The following RBFOX3 variants were observed in gnomAD, a reference collection of about 807,000 sequenced individuals.
RBFOX3 encodes the protein RNA binding protein fox-1 homolog 3.
RBFOX3 carries 17 observed loss-of-function variants against 48.7 expected under a neutral mutation model. The ratio of observed to expected loss-of-function variants is 0.35; its 90% confidence interval spans 0.24 to 0.52. The LOEUF is 0.52. Ranked by LOEUF, RBFOX3 falls within the 20% of genes least tolerant of loss-of-function variation. The pLI, the probability that RBFOX3 is intolerant of heterozygous loss-of-function variation, is 0.94. For synonymous variants in RBFOX3, 212 were observed against 209.5 expected (o/e 1.01, Z -0.10); for missense variants, 382 against 497.5 (o/e 0.77, Z 2.21).
At chr17:79,656,798 G>A in the RBFOX3 span, among the ~76,000 whole-genome samples, 1 of 4,716 alleles carries the variant, frequency 2.1e-4, no homozygotes. Context: ...AAGAAAGAAA[G>A]AAAGAAAGAA....
intron 2 of RBFOX3, among the ~76,000 whole-genome samples, chr17:79,355,395 G>A (rs188037013): frequency 6.9e-4 from 105 of 152,242 alleles, no homozygotes; most frequent in African/African-American, 2.4e-3. Context: ...TCCTCTCTGC[G>A]TGGGATACCC....
intron 2 of RBFOX3, among the ~76,000 whole-genome samples, chr17:79,401,212 C>T (rs1020935432): frequency 2.0e-5 from 3 of 152,200 alleles, no homozygotes; most frequent in Non-Finnish European, 4.4e-5. Context: ...TTCGGGGCTC[C>T]GCGGTCAGGT....
In RBFOX3 at chr17:79,189,307, C is replaced by T. The variant is rs138482063; in HGVS notation, c.-34+46459G>A. Among the ~76,000 whole-genome samples the T allele has an allele frequency of 2.0e-3, 307 of 152,340 alleles. 1 individual carries two copies. Among genetic ancestry groups the T allele is most frequent in the Middle Eastern group, 0.017 (5 of 294 alleles). ...ATCACAGAGGTGGTCCAAGGTCACA[C>T]AACCAGTTAGAGGCAGCGTCTGGGC... is the stretch of plus-strand genomic sequence containing the variant. On this transcript the variant is annotated intron_variant, in intron 4 of 14. Transcript: ENST00000693108.
At chr17:79,135,747 C>T (rs1406260535) in intron 4 of RBFOX3, among the ~76,000 whole-genome samples, 1 of 152,230 alleles carries the variant, frequency 6.6e-6, no homozygotes, top group African/African-American at 2.4e-5. Flanking sequence ...AGCGGCCTGG[C>T]ATCCCAGGGC....
the RBFOX3 span, among the ~76,000 whole-genome samples, chr17:79,618,673 C>T: frequency 6.6e-6 from 1 of 152,102 alleles, no homozygotes; most frequent in African/African-American, 2.4e-5. Flanking sequence ...GGAGAAGAGA[C>T]GGGGGTGTCC....
the RBFOX3 span, among the ~76,000 whole-genome samples, chr17:79,650,027 G>A: frequency 6.6e-6 from 1 of 152,258 alleles, no homozygotes; most frequent in African/African-American, 2.4e-5. Context: ...CGTCCCACCA[G>A]GCCCCACCTC....
intron 1 of RBFOX3, among the ~76,000 whole-genome samples, chr17:79,587,172 C>T (rs2093276003): frequency 6.6e-6 from 1 of 152,204 alleles, no homozygotes; most frequent in South Asian, 2.1e-4. Flanking sequence ...TGCCTCCACT[C>T]TCCAAGACCC....
intron 2 of RBFOX3, among the ~76,000 whole-genome samples, chr17:79,426,866 G>A (rs189491090): frequency 2.0e-5 from 3 of 152,148 alleles, no homozygotes; most frequent in South Asian, 2.1e-4. Flanking sequence ...CACCATGCCC[G>A]GGTAATTTTG....
chr17:79,531,564 C>T (rs1057463619), intron 1 of RBFOX3, among the ~76,000 whole-genome samples: 6 of 152,296 alleles, frequency 3.9e-5, no homozygotes, highest in Admixed American at 6.5e-5. Context: ...CAGCCCACGT[C>T]GCTGCCTGCA....
At chr17:79,575,177 C>T (rs1408490070) in intron 1 of RBFOX3, among the ~76,000 whole-genome samples, 5 of 152,318 alleles carry the variant, frequency 3.3e-5, no homozygotes, top group East Asian at 3.9e-4. Context: ...AGAGGAAAGG[C>T]GCTGGTTCAA....
chr17:79,215,181 C>T (rs2058866535), intron 4 of RBFOX3, among the ~76,000 whole-genome samples: 1 of 152,202 alleles, frequency 6.6e-6, no homozygotes, highest in Non-Finnish European at 1.5e-5. Flanking sequence ...GGTGCTGGCC[C>T]CCGCAGGGCT....
intron 2 of RBFOX3, among the ~76,000 whole-genome samples, chr17:79,381,357 C>T (rs542108357): frequency 6.6e-4 from 101 of 152,196 alleles, no homozygotes; most frequent in African/African-American, 2.2e-3. Context: ...GACATGTGAT[C>T]AATGTAAAAA....
intron 4 of RBFOX3, among the ~76,000 whole-genome samples, chr17:79,154,956 C>T (rs934536429): frequency 8.0e-5 from 12 of 150,626 alleles, no homozygotes; most frequent in Admixed American, 4.6e-4. Context: ...CCTCAGCCCT[C>T]GTCAGGTGGC....
chr17:79,154,646 C>T (rs1254487495), intron 4 of RBFOX3, among the ~76,000 whole-genome samples: 3 of 152,340 alleles, frequency 2.0e-5, no homozygotes, highest in Middle Eastern at 3.4e-3. Flanking sequence ...GGCTGGGTCT[C>T]GCCCTGCCCG....
intron 2 of RBFOX3, among the ~76,000 whole-genome samples, chr17:79,403,151 C>T: frequency 6.6e-6 from 1 of 152,184 alleles, no homozygotes; most frequent in Non-Finnish European, 1.5e-5. Flanking sequence ...CGCTGGGGCC[C>T]TGAACAGGCC....
chr17:79,190,576 T>C (rs920567079), intron 4 of RBFOX3, among the ~76,000 whole-genome samples: 4 of 152,212 alleles, frequency 2.6e-5, no homozygotes, highest in African/African-American at 9.6e-5. Flanking sequence ...TCTCTTTTTT[T>C]TCCCCTTGAA....
chr17:79,442,349 GAGGA>G (rs1280351904), intron 2 of RBFOX3, among the ~76,000 whole-genome samples: 3 of 58,174 alleles, frequency 5.2e-5, no homozygotes, highest in Non-Finnish European at 6.8e-5. Context: ...GGGAGGGAGG[GAGGA>G]AGAGGGGGGG....
chr17:79,461,452 C>T (rs1275614394), intron 2 of RBFOX3, among the ~76,000 whole-genome samples: 6 of 152,194 alleles, frequency 3.9e-5, no homozygotes, highest in Admixed American at 1.3e-4. Context: ...CAACCATTTC[C>T]GCCTTCTTTG....
intron 3 of RBFOX3, among the ~76,000 whole-genome samples, chr17:79,286,679 G>A (rs1043812638): frequency 2.0e-5 from 3 of 152,146 alleles, no homozygotes; most frequent in South Asian, 4.2e-4. Context: ...GGCTGATTCC[G>A]TGACTTTCTG....
Sources: allele counts gnomAD v4.1 joint callset (sites outside exome capture counted in the v4.1 genomes callset), GRCh38; gene constraint gnomAD v4.1.1; transcripts MANE v1.5; gene names NCBI Gene and HGNC (gene_info 2026-07-23, HGNC 2026-07-21).